The following AFF3 variants were observed in gnomAD, a reference collection of about 807,000 sequenced individuals.
AFF3 encodes the protein AF4/FMR2 family member 3.
A neutral mutation model predicts 129.7 loss-of-function variants in AFF3; 32 were observed. That is an observed-to-expected ratio of 0.25 (90% confidence interval 0.19 to 0.33). AFF3 has a LOEUF of 0.33. Ranked by LOEUF, AFF3 falls within the 10% of genes least tolerant of loss-of-function variation. AFF3 has a pLI of 1.00. For synonymous variants in AFF3, 644 were observed against 635.4 expected, an observed-to-expected ratio of 1.01 and a Z score of -0.20; for missense variants, 1,373 against 1,592.0, an observed-to-expected ratio of 0.86 and a Z score of 2.34.
At chr2:99,679,527 C>T (rs1207597821) in intron 11 of AFF3, among the ~76,000 whole-genome samples, 1 of 152,146 alleles carries the variant, frequency 6.6e-6, no homozygotes, top group Non-Finnish European at 1.5e-5. Context: ...TGGTGAGATG[C>T]TGGATGATGT....
chr2:100,023,193 A>C (rs1009956228), intron 4 of AFF3, among the ~76,000 whole-genome samples: 1 of 152,214 alleles, frequency 6.6e-6, no homozygotes, highest in African/African-American at 2.4e-5. Flanking sequence ...TTCTCACTGA[A>C]GCCCTCCCTT....
chr2:99,605,264 C>A (rs952062948), intron 13 of AFF3, among the ~76,000 whole-genome samples: 2 of 152,136 alleles, frequency 1.3e-5, no homozygotes, highest in African/African-American at 4.8e-5. Context: ...GCTGAGAGAG[C>A]CAAGAGTTTA....
At chr2:99,649,550 T>C (rs1363806168) in intron 13 of AFF3, 76 bp downstream of exon 13, 4 of 1,491,426 alleles carry the variant, frequency 2.7e-6, no homozygotes, top group Non-Finnish European at 3.7e-6. Context: ...AATCCGATTA[T>C]GAATTATATG....
At position 99,601,386 on chromosome 2, in the gene AFF3, A is replaced by C. The variant is rs1332366331; in HGVS notation, c.1371+49T>G. 3 of 1,509,854 alleles carry C rather than the reference A, an allele frequency of 2.0e-6. No homozygotes were observed. In the African/African-American group the frequency reaches 4.1e-5, roughly 21 times the overall value. The allele number at this position is 1,509,854 out of a possible 1,614,324, so 93.5% of individuals were successfully genotyped here. On this transcript the variant is annotated intron_variant, in intron 14 of 24. Coordinates refer to ENST00000672756, the MANE Select transcript of AFF3 (RefSeq NM_001386135.1). ...GACAATGCCCGGACTTGCTATCCTC[A>C]TAGAGACAGAAGTGGGCAGAGGAGA...
At chr2:99,905,229 T>C (rs776148335) in intron 7 of AFF3, among the ~76,000 whole-genome samples, 5 of 152,238 alleles carry the variant, frequency 3.3e-5, no homozygotes, top group African/African-American at 4.8e-5. Context: ...TTGCCCTCCG[T>C]GGAGCCCACG....
At chr2:99,706,152 A>G in intron 11 of AFF3, among the ~76,000 whole-genome samples, 1 of 152,156 alleles carries the variant, frequency 6.6e-6, no homozygotes, top group Non-Finnish European at 1.5e-5. Context: ...ATGTATGTAT[A>G]TTAGAATCAT....
chr2:99,720,930 T>C (rs1334560359), intron 11 of AFF3, among the ~76,000 whole-genome samples: 1 of 152,188 alleles, frequency 6.6e-6, no homozygotes, highest in Non-Finnish European at 1.5e-5. Context: ...AGAATTCCAC[T>C]TGCCTTCCCT....
At chr2:99,962,233 A>G (rs1254654063) in intron 7 of AFF3, among the ~76,000 whole-genome samples, 1 of 152,182 alleles carries the variant, frequency 6.6e-6, no homozygotes, top group Non-Finnish European at 1.5e-5. Flanking sequence ...AGATAAACCA[A>G]GCAGACCAAA....
chr2:100,004,584 C>A (rs1474685152), intron 7 of AFF3, among the ~76,000 whole-genome samples: 1 of 152,070 alleles, frequency 6.6e-6, no homozygotes. Context: ...CTGTGCCTGG[C>A]CTGATTGCGG....
At chr2:99,688,709 T>C (rs574486642) in intron 11 of AFF3, among the ~76,000 whole-genome samples, 1 of 152,148 alleles carries the variant, frequency 6.6e-6, no homozygotes, top group Non-Finnish European at 1.5e-5. Flanking sequence ...AGGTCTCTCA[T>C]GTCCTCATCC....
At chr2:100,003,038 A>C (rs1394854054) in intron 7 of AFF3, among the ~76,000 whole-genome samples, 1 of 151,244 alleles carries the variant, frequency 6.6e-6, no homozygotes, top group Non-Finnish European at 1.5e-5. Context: ...TCCATGAGCC[A>C]AAGACAGATA....
At chr2:99,791,784 T>C (rs916693210) in intron 8 of AFF3, among the ~76,000 whole-genome samples, 1 of 152,170 alleles carries the variant, frequency 6.6e-6, no homozygotes, top group African/African-American at 2.4e-5. Flanking sequence ...CTGTCCTTTT[T>C]GTGGTATATT....
intron 8 of AFF3, among the ~76,000 whole-genome samples, chr2:99,819,616 T>C (rs1249025480): frequency 1.3e-5 from 2 of 152,248 alleles, no homozygotes; most frequent in Non-Finnish European, 2.9e-5. Flanking sequence ...CACAAATTTA[T>C]CCAGCAATAG....
chr2:99,777,649 A>G (rs1172219903), intron 8 of AFF3, among the ~76,000 whole-genome samples: 1 of 152,162 alleles, frequency 6.6e-6, no homozygotes, highest in African/African-American at 2.4e-5. Context: ...ACTCTTTCAA[A>G]TATCTCAGGT....
At chr2:100,055,095 C>CTCATAT (rs776412621) in intron 4 of AFF3, among the ~76,000 whole-genome samples, 5 of 152,248 alleles carry the variant, frequency 3.3e-5, no homozygotes, top group Non-Finnish European at 5.9e-5. Context: ...TGTTCGTTGG[C>CTCATAT]TCATATTGAG....
chr2:100,026,205 AAAAC>A (rs1305197348), intron 4 of AFF3, among the ~76,000 whole-genome samples: 4 of 152,222 alleles, frequency 2.6e-5, no homozygotes, highest in African/African-American at 4.8e-5. Context: ...CAGTGAGAAA[AAAAC>A]AAACAATCCC....
At chr2:99,961,532 A>G (rs1344202921) in intron 7 of AFF3, among the ~76,000 whole-genome samples, 6 of 152,120 alleles carry the variant, frequency 3.9e-5, no homozygotes, top group Non-Finnish European at 4.4e-5. Flanking sequence ...CAGGTTTTAG[A>G]GATTATCTGT....
At chr2:100,023,793 C>T (rs1016214692) in intron 4 of AFF3, among the ~76,000 whole-genome samples, 1 of 152,152 alleles carries the variant, frequency 6.6e-6, no homozygotes, top group Non-Finnish European at 1.5e-5. Context: ...ATCATCAATA[C>T]CTAAATGAAA....
At chr2:99,569,317 G>A (rs1676268134) in intron 18 of AFF3, among the ~76,000 whole-genome samples, 1 of 152,016 alleles carries the variant, frequency 6.6e-6, no homozygotes, top group Admixed American at 6.6e-5. Context: ...CTATATATGG[G>A]TGAGTATATT....
Sources: gnomAD v4.1 joint callset for allele counts (sites outside exome capture counted in the v4.1 genomes callset) on GRCh38, gnomAD v4.1.1 for gene constraint, MANE v1.5 for transcripts, NCBI Gene and HGNC (gene_info 2026-07-23, HGNC 2026-07-21) for gene names.